The following EYA4 variants were observed in gnomAD, a reference collection of about 807,000 sequenced individuals.
The protein encoded by EYA4 is protein phosphatase EYA4.
A neutral mutation model predicts 87.9 loss-of-function variants in EYA4; 31 were observed. That is an observed-to-expected ratio of 0.35 (90% CI 0.27 to 0.48). The LOEUF (loss-of-function observed/expected upper bound fraction) is 0.48. EYA4 is among the 20% of genes least tolerant of loss of function. EYA4 has a pLI of 0.99. For missense variants in EYA4, 678 were observed against 761.4 expected, an observed-to-expected ratio of 0.89 and a Z score of 1.29; for synonymous variants, 263 against 270.6, an observed-to-expected ratio of 0.97 and a Z score of 0.28.
chr6:133,393,868 C>T (rs980948213), intron 3 of EYA4, among the ~76,000 whole-genome samples: 1 of 152,008 alleles, frequency 6.6e-6, no homozygotes, highest in African/African-American at 2.4e-5. Flanking sequence ...AGATTCTTCA[C>T]CAGTGGAACT....
intron 2 of EYA4, among the ~76,000 whole-genome samples, chr6:133,364,534 T>C (rs893744924): frequency 1.3e-5 from 2 of 152,212 alleles, no homozygotes; most frequent in Admixed American, 6.5e-5. Flanking sequence ...TTGACCTGTT[T>C]GTCTCAATGA....
chr6:133,516,026 C>G (rs1368311761), intron 17 of EYA4, among the ~76,000 whole-genome samples: 1 of 152,128 alleles, frequency 6.6e-6, no homozygotes. Context: ...AGTTGTACAA[C>G]CAGGTGCCAA....
chr6:133,488,513 G>A (rs1349051878), intron 13 of EYA4, among the ~76,000 whole-genome samples: 1 of 152,166 alleles, frequency 6.6e-6, no homozygotes, highest in African/African-American at 2.4e-5. Flanking sequence ...AGAGGTGCTT[G>A]TGTCACCCTT....
Position 133,462,063 on chromosome 6 carries a change from GAC to G in EYA4, c.438-268_438-267del, listed in dbSNP as rs1794438301. Reference sequence around the variant, plus strand: ...GAGCAAGAATTGTAGACCTGGAAGAGACACAGGTGTAAAATCTAAATCAAATT... The same window carrying G: ...GAGCAAGAATTGTAGACCTGGAAGAGACAGGTGTAAAATCTAAATCAAATT... On this transcript the variant is annotated intron_variant, in intron 7 of 19. Coordinates refer to ENST00000355286, the MANE Select transcript of EYA4 (RefSeq NM_004100.5). The G allele has an allele frequency of 2.9e-5, 13 of 455,784 alleles. 1 individual carries two copies. Among genetic ancestry groups the G allele is most frequent in the South Asian group, 2.7e-4 (13 of 47,378 alleles). 28.2% of individuals were successfully genotyped at this position (455,784 alleles called of 1,614,324 possible). A position where few individuals can be genotyped will look rare whatever the true frequency, so the allele number is the denominator to read the frequency against.
At chr6:133,382,725 A>C (rs1402758819) in intron 3 of EYA4, among the ~76,000 whole-genome samples, 1 of 151,580 alleles carries the variant, frequency 6.6e-6, no homozygotes, top group African/African-American at 2.4e-5. Context: ...TTTTTGTTCT[A>C]ATTTCTTTTT....
chr6:133,256,955 G>GT lies in EYA4; in HGVS notation c.-66+15214dup, dbSNP rs547928953. The stretch of plus-strand genomic sequence containing the variant: ...AAATATGGCTATCAATTTTTGTGGG[G>GT]TTTTTTTTCCTGCAGAATTTCCTGT... On this transcript the variant is annotated intron_variant, in intron 1 of 19. Coordinates refer to ENST00000355286, the MANE Select transcript of EYA4 (RefSeq NM_004100.5). Among the ~76,000 whole-genome samples the GT allele has an allele frequency of 4.9e-4, 74 of 151,724 alleles. 1 individual carries two copies. The South Asian group carries it at 0.012, about 24-fold the overall frequency.
At chr6:133,345,690 ATAAT>A (rs1401569215) in intron 2 of EYA4, among the ~76,000 whole-genome samples, 1 of 152,190 alleles carries the variant, frequency 6.6e-6, no homozygotes, top group African/African-American at 2.4e-5. Context: ...GAGAGTAATG[ATAAT>A]TAAATTGTTA....
intron 3 of EYA4, among the ~76,000 whole-genome samples, chr6:133,402,423 T>G (rs1788346265): frequency 6.6e-6 from 1 of 152,202 alleles, no homozygotes. Context: ...AATACAGCAC[T>G]TACCCTTTTT....
intron 2 of EYA4, among the ~76,000 whole-genome samples, chr6:133,278,722 T>A (rs368223707): frequency 2.6e-5 from 4 of 152,316 alleles, no homozygotes; most frequent in African/African-American, 9.6e-5. Context: ...CTCTAGTATA[T>A]CTGGCTCCTA....
intron 18 of EYA4, among the ~76,000 whole-genome samples, chr6:133,524,022 G>C (rs1800411999): frequency 6.6e-6 from 1 of 152,148 alleles, no homozygotes; most frequent in African/African-American, 2.4e-5. Flanking sequence ...GGCAAAAGGA[G>C]CCTCCAGTGG....
intron 6 of EYA4, 22 bp from the exon 7 acceptor site, chr6:133,461,092 C>T (rs773266683): frequency 1.3e-6 from 2 of 1,570,510 alleles, no homozygotes; most frequent in South Asian, 1.1e-5. Context: ...CTTTGGTGCA[C>T]TGGTATTTTT....
intron 2 of EYA4, among the ~76,000 whole-genome samples, chr6:133,378,874 A>G (rs1043729653): frequency 6.8e-6 from 1 of 147,484 alleles, no homozygotes; most frequent in African/African-American, 2.5e-5. Flanking sequence ...GTTAAAGTTC[A>G]CTTTATTTGC....
chr6:133,312,551 G>A (rs536671631), intron 2 of EYA4, among the ~76,000 whole-genome samples: 5 of 152,248 alleles, frequency 3.3e-5, no homozygotes, highest in South Asian at 2.1e-4. Flanking sequence ...GTAAAAATAC[G>A]TTATAAACTG....
chr6:133,259,327 A>G (rs900999592), intron 1 of EYA4, among the ~76,000 whole-genome samples: 2 of 152,238 alleles, frequency 1.3e-5, no homozygotes, highest in Non-Finnish European at 2.9e-5. Flanking sequence ...TGAAAGCAGG[A>G]CACATAGCAG....
At chr6:133,524,979 A>G (rs2128816531) in intron 18 of EYA4, 175 bp from the exon 19 acceptor site, 1 of 1,532,562 alleles carries the variant, frequency 6.5e-7, no homozygotes, top group Admixed American at 1.7e-5. Context: ...TAATGAATGC[A>G]GTGGCTGGAA....
Position 133,522,118 on chromosome 6 carries a change from TA to T in EYA4, c.1617-927del, listed in dbSNP as rs1223038397. Among the ~76,000 whole-genome samples the T allele has an allele frequency of 8.6e-3, 714 of 82,676 alleles. 1 individual carries two copies. The highest frequency in any genetic ancestry group is 0.023 in the Middle Eastern group (3 of 130). The allele number at this position is 82,676 out of a possible 152,430, so 54.2% of individuals were successfully genotyped here. A position where few individuals can be genotyped will look rare whatever the true frequency, so the allele number is the denominator to read the frequency against. On this transcript the variant is annotated intron_variant, in intron 17 of 19. Transcript: ENST00000355286. ...TACCCTAAAACTTAAAGTATAATAATAAAAAAAAAAAGGAAAAAAAAAAATT... is the reference window on the plus strand; with the variant it reads ...TACCCTAAAACTTAAAGTATAATAATAAAAAAAAAAGGAAAAAAAAAAATT...
intron 16 of EYA4, among the ~76,000 whole-genome samples, chr6:133,514,980 ATCACAGT>A (rs1799461558): frequency 1.3e-5 from 2 of 152,224 alleles, no homozygotes; most frequent in African/African-American, 2.4e-5. Flanking sequence ...GACCTCAAAT[ATCACAGT>A]CCCTTGGAAT....
intron 2 of EYA4, among the ~76,000 whole-genome samples, chr6:133,292,212 T>C (rs1778545346): frequency 6.6e-6 from 1 of 152,190 alleles, no homozygotes; most frequent in Admixed American, 6.5e-5. Context: ...TTGCACAAAA[T>C]TACTCTGCAA....
chr6:133,303,750 A>T (rs914578680), intron 2 of EYA4, among the ~76,000 whole-genome samples: 1 of 152,238 alleles, frequency 6.6e-6, no homozygotes, highest in African/African-American at 2.4e-5. Context: ...GTGACAATAT[A>T]ACAGTTTCTC....
Sources: gnomAD v4.1 joint callset for allele counts (sites outside exome capture counted in the v4.1 genomes callset) on GRCh38, gnomAD v4.1.1 for gene constraint, MANE v1.5 for transcripts, NCBI Gene and HGNC (gene_info 2026-07-23, HGNC 2026-07-21) for gene names.